Variants in CEP290 observed in about 807,000 individuals in gnomAD.
CEP290 encodes centrosomal protein of 290 kDa.
CEP290 carries 317 observed loss-of-function variants against 344.9 expected under a neutral mutation model. That is an observed-to-expected ratio of 0.92 (90% CI 0.84 to 1.01). CEP290 has a LOEUF of 1.01. Ranked by LOEUF, CEP290 falls within the 50% of genes least tolerant of loss-of-function variation. CEP290 has a pLI of 0.00. For missense variants in CEP290, 2,754 were observed against 2,761.4 expected, an observed-to-expected ratio of 1.00 and a Z score of 0.06; for synonymous variants, 932 against 895.8, an observed-to-expected ratio of 1.04 and a Z score of -0.72.
intron 22 of CEP290, among the ~76,000 whole-genome samples, chr12:88,110,708 C>CA (rs557269767): frequency 3.4e-3 from 509 of 150,222 alleles, no homozygotes; most frequent in Middle Eastern, 0.01. Context: ...GGCTCTGTCT[C>CA]AAAAAAAAAG....
intron 51 of CEP290, 143 bp from the exon 52 acceptor site, chr12:88,053,889 A>G (rs796608841): frequency 5.9e-6 from 3 of 505,442 alleles, no homozygotes; most frequent in African/African-American, 4.0e-5. Context: ...CAATGCTACA[A>G]TGTCACCATT....
chr12:88,058,825 C>T (rs376287216), intron 49 of CEP290, 23 bp downstream of exon 49: 2 of 1,607,630 alleles, frequency 1.2e-6, no homozygotes, highest in Non-Finnish European at 1.7e-6. Flanking sequence ...AAACTTTGTA[C>T]AAGTTTAAAA....
chr12:88,059,741 T>C (rs908645872), intron 48 of CEP290, among the ~76,000 whole-genome samples, 157 bp downstream of exon 48: 1 of 152,200 alleles, frequency 6.6e-6, no homozygotes, highest in Non-Finnish European at 1.5e-5. Flanking sequence ...ATGTTTTTCA[T>C]GGTGGAATGT....
intron 46 of CEP290, among the ~76,000 whole-genome samples, chr12:88,061,441 G>T (rs756300111): frequency 2.0e-5 from 3 of 152,074 alleles, no homozygotes; most frequent in Non-Finnish European, 4.4e-5. Context: ...CTATTGCTTA[G>T]AAATACAGTT....
At position 88,120,216 on chromosome 12, in the gene CEP290, T is replaced by C; in HGVS notation, c.1420A>G (p.Ile474Val). Residue 474 changes from isoleucine to valine, a missense_variant, in exon 15 of 54, where the codon ATA becomes GTA. Ile to Val is a conservative substitution (Grantham distance 29, BLOSUM62 3). Coordinates refer to ENST00000552810, the MANE Select transcript of CEP290 (RefSeq NM_025114.4). ...EIKNCKNQIK[I>V]RDREIEILTK... The stretch of plus-strand genomic sequence containing the variant: ...AATATTTCAATCTCTCGATCTCTTA[T>C]TTTAATTTGGTTTTTACAATTCTTT... 1.5e-5 allele frequency: 23 copies of C among 1,514,438 alleles called. No individual in the cohort carries two copies. The highest frequency in any genetic ancestry group is 2.0e-5 in the Non-Finnish European group (23 of 1,125,982). The allele number at this position is 1,514,438 out of a possible 1,614,324, so 93.8% of individuals were successfully genotyped here.
intron 20 of CEP290, among the ~76,000 whole-genome samples, chr12:88,114,165 A>G (rs1391013946): frequency 6.6e-6 from 1 of 152,134 alleles, no homozygotes; most frequent in East Asian, 1.9e-4. Flanking sequence ...TCAAGGTCTC[A>G]AGCTGACCCT....
In CEP290 at chr12:88,109,143, T is replaced by C; in HGVS notation, c.2406A>G (p.Glu802=). 7.0e-7 allele frequency: 1 copy of C among 1,429,704 alleles called. No homozygotes were observed. Among genetic ancestry groups the C allele is most frequent in the East Asian group, 2.5e-5 (1 of 39,920 alleles). 88.6% of individuals were successfully genotyped at this position (1,429,704 alleles called of 1,614,324 possible). A position where few individuals can be genotyped will look rare whatever the true frequency, so the allele number is the denominator to read the frequency against. The change falls in exon 23 of 54, where the codon GAA becomes GAG. Residue 802 remains glutamate, a synonymous_variant. Coordinates refer to ENST00000552810, the MANE Select transcript of CEP290 (RefSeq NM_025114.4). ...TTCTGTTGTAATCTTCAAGAGAATC[T>C]TCTAAATTCTTTAACTTTTTTTCTT... ...ENKEKKLKNL[E]DSLEDYNRKF...
At chr12:88,054,197 G>C in intron 51 of CEP290, 143 bp downstream of exon 51, 1 of 594,050 alleles carries the variant, frequency 1.7e-6, no homozygotes, top group Non-Finnish European at 2.9e-6. Context: ...GCATTAGAGG[G>C]AAGAAATAAG....
At chr12:88,052,616 T>G (rs1003433120) in intron 52 of CEP290, among the ~76,000 whole-genome samples, 5 of 152,182 alleles carry the variant, frequency 3.3e-5, no homozygotes, top group African/African-American at 9.7e-5. Context: ...ACGGGAAATA[T>G]GTACAGACAT....
intron 25 of CEP290, 53 bp from the exon 26 acceptor site, chr12:88,103,064 G>A: frequency 9.0e-7 from 1 of 1,108,346 alleles, no homozygotes; most frequent in Non-Finnish European, 1.2e-6. Context: ...TTCTGGTCAA[G>A]CACTAGCCAC....
Position 88,084,811 on chromosome 12 carries a change from T to C in CEP290, c.4479A>G (p.Gln1493=). Residue 1493 remains glutamine (Q), a synonymous_variant, in exon 35 of 54, where the codon CAA becomes CAG. Transcript: ENST00000552810. The part of the protein sequence containing the change: ...EKESALRLAE[Q]NILSRDKVIN... The stretch of plus-strand genomic sequence containing the variant: ...TTACTTTGTCTCTTGACAGTATATT[T>C]TGTTCTGCTAACCTTAAAGCAGATT... 6.2e-7 allele frequency: 1 copy of C among 1,607,618 alleles called. No homozygotes were observed. Among genetic ancestry groups the C allele is most frequent in the Non-Finnish European group, 8.5e-7 (1 of 1,177,344 alleles).
chr12:88,131,818 A>G (rs769255092), intron 6 of CEP290, among the ~76,000 whole-genome samples: 3 of 152,210 alleles, frequency 2.0e-5, no homozygotes, highest in Non-Finnish European at 4.4e-5. Flanking sequence ...AAAACCCCTA[A>G]TAAAATGGTT....
rs753350609 is a variant in CEP290, at chr12:88,089,435, G to C, written c.3626C>G (p.Ser1209Cys). 8 of 1,600,572 alleles carry C rather than the reference G, an allele frequency of 5.0e-6. No individual in the cohort carries two copies. The highest frequency in any genetic ancestry group is 1.1e-5 in the South Asian group (1 of 89,360). Residue 1209 changes from serine (S) to cysteine (C), a missense_variant, in exon 31 of 54, where the codon TCT becomes TGT. By Grantham distance (112) the Ser-to-Cys change is moderately radical. Coordinates refer to ENST00000552810, the MANE Select transcript of CEP290 (RefSeq NM_025114.4). The part of the protein sequence containing the change: ...LIAKLHQHNV[S>C]LQLSEATALG... The stretch of plus-strand genomic sequence containing the variant: ...AGCAGTAGCCTCACTCAGTTGAAGA[G>C]AGACATTATGTTGGTGCAACTTGGC...
At chr12:88,135,554 T>C (rs936667219) in intron 6 of CEP290, 8 of 152,196 alleles carry the variant, frequency 5.3e-5, no homozygotes, top group Admixed American at 2.0e-4. Flanking sequence ...TCCTAACATT[T>C]AAGTGGCATC....
chr12:88,127,251 G>T (rs937034206), intron 11 of CEP290, among the ~76,000 whole-genome samples: 5 of 152,134 alleles, frequency 3.3e-5, no homozygotes, highest in Non-Finnish European at 5.9e-5. Flanking sequence ...ACTTTGGGAG[G>T]CCCAGGCAGG....
chr12:88,080,792 A>G (rs892474026), intron 37 of CEP290, among the ~76,000 whole-genome samples: 15 of 152,212 alleles, frequency 9.9e-5, no homozygotes, highest in Non-Finnish European at 1.6e-4. Context: ...AATTTCATAT[A>G]GAGCAAATGT....
Position 88,077,898 on chromosome 12 carries a change from A to G in CEP290, c.5385T>C (p.Asn1795=), listed in dbSNP as rs1452561924. The G allele has an allele frequency of 7.5e-7, 1 of 1,337,960 alleles. No homozygotes were observed. The highest frequency in any genetic ancestry group is 2.7e-5 in the Admixed American group (1 of 37,424). The allele number at this position is 1,337,960 out of a possible 1,614,324, so 82.9% of individuals were successfully genotyped here. ...CTTCTTTCAATTTTAAAAGATTTTCATTTAAATCTTCAACTTGTGTCTAAT... is the reference window on the plus strand; with the variant it reads ...CTTCTTTCAATTTTAAAAGATTTTCGTTTAAATCTTCAACTTGTGTCTAAT... The part of the protein sequence containing the change: ...RELKTQVEDL[N]ENLLKLKEAL... The change falls in exon 40 of 54, where the codon AAT becomes AAC. Residue 1795 remains asparagine, a synonymous_variant. Transcript: ENST00000552810.
At chr12:88,089,714 T>C (rs1338411688) in intron 30 of CEP290, among the ~76,000 whole-genome samples, 2 of 151,286 alleles carry the variant, frequency 1.3e-5, no homozygotes, top group Admixed American at 1.3e-4. Flanking sequence ...TAACAGTGGG[T>C]ATGTTACTGG....
chr12:88,120,091 A>G lies in CEP290; in HGVS notation c.1522+23T>C, dbSNP rs188757481. ...ACTTGTAAATCAGGTTGCGCAAACT[A>G]TGTAACTTAAAACATGGCTTACCCA... On this transcript the variant is annotated intron_variant, in intron 15 of 53. Transcript: ENST00000552810. The G allele has an allele frequency of 4.3e-5, 62 of 1,446,234 alleles. No homozygotes were observed. In the African/African-American group the frequency reaches 7.5e-4, roughly 18 times the overall value. 89.6% of individuals were successfully genotyped at this position (1,446,234 alleles called of 1,614,324 possible). A position where few individuals can be genotyped will look rare whatever the true frequency, so the allele number is the denominator to read the frequency against.
Sources: gnomAD v4.1 joint callset for allele counts (sites outside exome capture counted in the v4.1 genomes callset) on GRCh38, gnomAD v4.1.1 for gene constraint, MANE v1.5 for transcripts, NCBI Gene and HGNC (gene_info 2026-07-23, HGNC 2026-07-21) for gene names.